The following INO80 variants were observed in gnomAD, a reference collection of about 807,000 sequenced individuals.
INO80 encodes the protein chromatin-remodeling ATPase INO80.
A neutral mutation model predicts 203.4 loss-of-function variants in INO80; 20 were observed. That is an observed-to-expected ratio of 0.10 (90% CI 0.07 to 0.14). The LOEUF (loss-of-function observed/expected upper bound fraction) is 0.14, where lower values mean the gene tolerates loss of function less well. INO80 is among the 10% of genes least tolerant of loss of function. INO80 has a pLI of 1.00. For synonymous variants in INO80, 726 were observed against 685.2 expected (o/e 1.06, Z -0.93); for missense variants, 1,419 against 1,914.4 (o/e 0.74, Z 4.83).
intron 1 of INO80, among the ~76,000 whole-genome samples, chr15:41,101,124 C>T (rs1297912619): frequency 1.3e-5 from 2 of 152,124 alleles, no homozygotes; most frequent in East Asian, 1.9e-4. Context: ...GCCACCCACC[C>T]GGCTGACAAT....
intron 1 of INO80, among the ~76,000 whole-genome samples, chr15:41,100,820 A>C (rs1349992905): frequency 6.7e-6 from 1 of 150,002 alleles, no homozygotes; most frequent in Non-Finnish European, 1.5e-5. Context: ...ACTACCATTC[A>C]CAATTTTTTC....
intron 5 of INO80, among the ~76,000 whole-genome samples, chr15:41,090,347 G>A (rs575036480): frequency 1.3e-5 from 2 of 152,176 alleles, no homozygotes; most frequent in East Asian, 1.9e-4. Flanking sequence ...AGGCTAAGGC[G>A]GGAGGATCAC....
chr15:41,079,629 T>G (rs1364015111), intron 9 of INO80, 72 bp downstream of exon 9: 4 of 1,442,688 alleles, frequency 2.8e-6, no homozygotes, highest in Non-Finnish European at 3.9e-6. Context: ...TGTACAATTT[T>G]CAAAATGCAA....
intron 4 of INO80, 53 bp from the exon 5 acceptor site, chr15:41,092,235 A>G: frequency 6.9e-7 from 1 of 1,454,838 alleles, no homozygotes; most frequent in East Asian, 2.3e-5. Context: ...AATCCCATTT[A>G]TAATCCAAGC....
At chr15:41,016,248 G>A (rs745538103) in intron 26 of INO80, 33 bp from the exon 27 acceptor site, 95 of 1,601,882 alleles carry the variant, frequency 5.9e-5, no homozygotes, top group Non-Finnish European at 5.8e-5. Flanking sequence ...AGGGGGAACT[G>A]TATTTAATTG....
intron 24 of INO80, among the ~76,000 whole-genome samples, chr15:41,035,547 C>T (rs970078456): frequency 2.0e-5 from 3 of 150,928 alleles, no homozygotes; most frequent in Non-Finnish European, 4.4e-5. Context: ...AAAGACCGGG[C>T]GCGGTGGCTC....
intron 24 of INO80, among the ~76,000 whole-genome samples, chr15:41,042,720 T>A (rs765367548): frequency 5.9e-5 from 9 of 152,052 alleles, no homozygotes; most frequent in Non-Finnish European, 1.0e-4. Context: ...GGGATCCGCC[T>A]GCCTCGGACT....
At chr15:41,092,526 G>T (rs1374152308) in intron 4 of INO80, among the ~76,000 whole-genome samples, 1 of 151,852 alleles carries the variant, frequency 6.6e-6, no homozygotes, top group Non-Finnish European at 1.5e-5. Flanking sequence ...ACTACCTATA[G>T]GGTATAAAAA....
chr15:41,113,360 G>A (rs888284852), intron 1 of INO80, among the ~76,000 whole-genome samples: 10 of 151,912 alleles, frequency 6.6e-5, no homozygotes, highest in South Asian at 4.1e-4. Context: ...TCCGCCTCCC[G>A]GGTTCAAGCG....
intron 10 of INO80, among the ~76,000 whole-genome samples, 200 bp downstream of exon 10, chr15:41,074,170 C>T (rs924018136): frequency 1.3e-5 from 2 of 152,112 alleles, no homozygotes; most frequent in Non-Finnish European, 2.9e-5. Flanking sequence ...ATAACCACAA[C>T]GCTTCCTATT....
intron 28 of INO80, among the ~76,000 whole-genome samples, chr15:40,998,640 C>A (rs967775542): frequency 6.6e-6 from 1 of 151,832 alleles, no homozygotes; most frequent in African/African-American, 2.4e-5. Context: ...CATACCAGAT[C>A]ACAAAGGACA....
At chr15:41,093,992 ACCTT>A (rs1477509809) in intron 4 of INO80, among the ~76,000 whole-genome samples, 1 of 152,206 alleles carries the variant, frequency 6.6e-6, no homozygotes, top group African/African-American at 2.4e-5. Flanking sequence ...ACCAAATCGG[ACCTT>A]TTACACATGA....
intron 12 of INO80, among the ~76,000 whole-genome samples, chr15:41,071,429 A>G (rs2045312822): frequency 6.9e-6 from 1 of 145,942 alleles, no homozygotes; most frequent in African/African-American, 2.5e-5. Flanking sequence ...AATCTAAAAC[A>G]TGATCTTGTA....
chr15:41,026,091 G>A (rs1045481394), intron 25 of INO80, among the ~76,000 whole-genome samples: 1 of 152,184 alleles, frequency 6.6e-6, no homozygotes, highest in Non-Finnish European at 1.5e-5. Flanking sequence ...AGGAGCAGCA[G>A]ACAGAAATCT....
chr15:41,108,263 T>C (rs964725847), intron 1 of INO80, among the ~76,000 whole-genome samples: 2 of 151,710 alleles, frequency 1.3e-5, no homozygotes, highest in African/African-American at 4.8e-5. Flanking sequence ...AGAAAGAAGA[T>C]GAAGTCAAGA....
rs943111352 is a variant in INO80, at chr15:41,088,087, C to CTTTT, written c.538-409_538-406dup. On this transcript the variant is annotated intron_variant, in intron 5 of 35. Transcript: ENST00000648947. ...ACTAAGGTTCCTCATGCTTGCTTTTCTTTTTTTTTTTTTTTTTTTTTTGAG... is the reference window on the plus strand; with the variant it reads ...ACTAAGGTTCCTCATGCTTGCTTTTCTTTTTTTTTTTTTTTTTTTTTTTTTTGAG... 9.5e-4 allele frequency among the ~76,000 whole-genome samples: 96 copies of CTTTT among 101,084 alleles called. 1 individual carries two copies. The highest frequency in any genetic ancestry group is 2.7e-3 in the African/African-American group (68 of 25,294). The allele number at this position is 101,084 out of a possible 152,430, so 66.3% of individuals were successfully genotyped here.
chr15:41,025,591 T>A (rs1192396095), intron 25 of INO80, among the ~76,000 whole-genome samples: 1 of 152,138 alleles, frequency 6.6e-6, no homozygotes, highest in Non-Finnish European at 1.5e-5. Context: ...GGCATGCACC[T>A]GTAATCCCAG....
At chr15:41,088,094 T>TC (rs1452731947) in intron 5 of INO80, among the ~76,000 whole-genome samples, 58 of 145,124 alleles carry the variant, frequency 4.0e-4, no homozygotes, top group Non-Finnish European at 6.3e-4. Context: ...TTTCTTTTTT[T>TC]TTTTTTTTTT....
chr15:40,980,662 A>G (rs1187022214), intron 35 of INO80, among the ~76,000 whole-genome samples: 2 of 151,896 alleles, frequency 1.3e-5, no homozygotes, highest in Admixed American at 6.6e-5. Flanking sequence ...TACCTACCCA[A>G]CCCTCTCTAT....
Sources: allele counts gnomAD v4.1 joint callset (sites outside exome capture counted in the v4.1 genomes callset), GRCh38; gene constraint gnomAD v4.1.1; transcripts MANE v1.5; gene names NCBI Gene and HGNC (gene_info 2026-07-23, HGNC 2026-07-21).